Variants in TTC21A observed in about 807,000 individuals in gnomAD.
The protein encoded by TTC21A is tetratricopeptide repeat protein 21A.
Under a neutral mutation model 156.4 loss-of-function variants are expected in TTC21A, and 128 were observed. The observed-to-expected ratio is 0.82, with a 90% CI of 0.71 to 0.95. The LOEUF (loss-of-function observed/expected upper bound fraction) is 0.95. Among genes scored for constraint, TTC21A ranks in the 40% least tolerant of loss-of-function variants. TTC21A has a pLI of 0.00. For missense variants in TTC21A, 1,435 were observed against 1,602.3 expected (o/e 0.90, Z 1.78); for synonymous variants, 587 against 617.1 (o/e 0.95, Z 0.72).
Position 39,134,679 on chromosome 3 carries a change from C to A in TTC21A, c.2862+351C>A, listed in dbSNP as rs2038981183. 1.1e-5 allele frequency: 5 copies of A among 475,576 alleles called. No individual in the cohort carries two copies. The highest frequency in any genetic ancestry group is 1.0e-4 in the South Asian group (5 of 47,986). The allele number at this position is 475,576 out of a possible 1,614,324, so 29.5% of individuals were successfully genotyped here. The stretch of plus-strand genomic sequence containing the variant: ...GTCCTGCCTCTCTCTTCCCTATCAT[C>A]CAGACCTCCTCTAGGGCTGGCCCAG... On this transcript the variant is annotated intron_variant, in intron 21 of 28. Transcript: ENST00000683103. The surrounding 1 kb of genome is among the most constrained non-coding windows in gnomAD (Gnocchi z 4.6).
chr3:39,114,847 G>A, intron 6 of TTC21A, 105 bp downstream of exon 6: 1 of 1,375,614 alleles, frequency 7.3e-7, no homozygotes, highest in Non-Finnish European at 1.0e-6. Flanking sequence ...ATCGCCCATA[G>A]AGGAACTGGG....
Position 39,110,915 on chromosome 3 carries a change from T to C in TTC21A, c.333T>C (p.Thr111=), listed in dbSNP as rs764736603. The change falls in exon 4 of 29, where the codon ACT becomes ACC. Residue 111 remains threonine (T), a synonymous_variant. Coordinates refer to ENST00000683103, the MANE Select transcript of TTC21A (RefSeq NM_001366900.1). ...LKEIRKTVSG[T]ALYYAGLFLW... is the part of the protein sequence containing the mutation. ...AAATACGCAAGACAGTCAGTGGGACTGCACTGTACTATGCTGGCCTTTTCC... is the reference window on the plus strand; with the variant it reads ...AAATACGCAAGACAGTCAGTGGGACCGCACTGTACTATGCTGGCCTTTTCC... 6.2e-7 allele frequency: 1 copy of C among 1,614,062 alleles called. No homozygotes were observed. Among genetic ancestry groups the C allele is most frequent in the Non-Finnish European group, 8.5e-7 (1 of 1,180,010 alleles).
In TTC21A at chr3:39,107,720, T is replaced by C; in HGVS notation, c.-118T>C. On this transcript the variant is annotated 5_prime_UTR_variant, in exon 1 of 29. Coordinates refer to ENST00000683103, the MANE Select transcript of TTC21A (RefSeq NM_001366900.1). ...CTAGCAACCGGCTAGCAGCTCGGTT[T>C]CCAAGGACTGTAACGCCTTCAACCG... 4 of 1,477,490 alleles carry C rather than the reference T, an allele frequency of 2.7e-6. No homozygotes were observed. Among genetic ancestry groups the C allele is most frequent in the South Asian group, 1.1e-5 (1 of 87,766 alleles). The allele number at this position is 1,477,490 out of a possible 1,614,324, so 91.5% of individuals were successfully genotyped here.
intron 20 of TTC21A, among the ~76,000 whole-genome samples, chr3:39,133,648 A>G (rs2038898124): frequency 6.6e-6 from 1 of 152,214 alleles, no homozygotes. Context: ...GTGGCTCCAG[A>G]TAAGGGAACC....
intron 7 of TTC21A, chr3:39,119,535 C>T (rs1198691525): frequency 1.3e-5 from 2 of 156,838 alleles, no homozygotes; most frequent in African/African-American, 4.9e-5. Context: ...GGGCTAGCTC[C>T]TGGCTCTGCC....
At chr3:39,111,471 A>C (rs1176485399) in intron 4 of TTC21A, among the ~76,000 whole-genome samples, 2 of 152,172 alleles carry the variant, frequency 1.3e-5, no homozygotes, top group African/African-American at 4.8e-5. Flanking sequence ...TGAGCTGGCC[A>C]CACTGGGCCA....
intron 8 of TTC21A, among the ~76,000 whole-genome samples, chr3:39,120,524 A>C (rs2037683321): frequency 1.3e-5 from 2 of 152,206 alleles, no homozygotes; most frequent in Admixed American, 1.3e-4. Context: ...ATTTACTAGA[A>C]GTAGTTGCTG....
intron 26 of TTC21A, 95 bp downstream of exon 26, chr3:39,137,805 T>A: frequency 7.5e-7 from 1 of 1,336,008 alleles, no homozygotes; most frequent in Non-Finnish European, 1.0e-6. Context: ...AGAGGCCATA[T>A]GGAATAAGAA....
In TTC21A at chr3:39,134,581, G is replaced by A. The variant is rs1331642580; in HGVS notation, c.2862+253G>A. On this transcript the variant is annotated intron_variant, in intron 21 of 28. Coordinates refer to ENST00000683103, the MANE Select transcript of TTC21A (RefSeq NM_001366900.1). The surrounding 1 kb of genome is among the most constrained non-coding windows in gnomAD (Gnocchi z 4.6). ...GTGGGGTGAGGTTGATTCACCCCAG[G>A]GGAAAGCACATTCACTGTAGGTGAA... is the stretch of plus-strand genomic sequence containing the variant. 1.0e-5 allele frequency: 6 copies of A among 585,204 alleles called. No homozygotes were observed. The highest frequency in any genetic ancestry group is 1.9e-5 in the Non-Finnish European group (6 of 320,960). 36.3% of individuals were successfully genotyped at this position (585,204 alleles called of 1,614,324 possible). A position where few individuals can be genotyped will look rare whatever the true frequency, so the allele number is the denominator to read the frequency against.
chr3:39,120,476 A>G (rs2037679129), intron 8 of TTC21A, among the ~76,000 whole-genome samples: 1 of 152,160 alleles, frequency 6.6e-6, no homozygotes, highest in South Asian at 2.1e-4. Flanking sequence ...TTGCCAACAA[A>G]TCTGTATCTC....
In TTC21A at chr3:39,138,840, G is replaced by A; in HGVS notation, c.*52G>A. On this transcript the variant is annotated 3_prime_UTR_variant, in exon 29 of 29. Coordinates refer to ENST00000683103, the MANE Select transcript of TTC21A (RefSeq NM_001366900.1). ...GAAGCCATCAACCTACTGAAGTTGT[G>A]TGGAGGGATGGAAAGTGGGTCAGTG... 1 of 1,500,804 alleles carries A rather than the reference G, an allele frequency of 6.7e-7. No homozygotes were observed. Among genetic ancestry groups the A allele is most frequent in the Non-Finnish European group, 9.2e-7 (1 of 1,084,352 alleles). The allele number at this position is 1,500,804 out of a possible 1,614,324, so 93.0% of individuals were successfully genotyped here.
At position 39,130,030 on chromosome 3, in the gene TTC21A, T is replaced by G; in HGVS notation, c.2136-49T>G. ...AGTGAAGGAGATGATTTCAGGAACA[T>G]GAGGTGTGTGCGAACCTGGGATAAG... is the stretch of plus-strand genomic sequence containing the variant. On this transcript the variant is annotated intron_variant, in intron 15 of 28. Coordinates refer to ENST00000683103, the MANE Select transcript of TTC21A (RefSeq NM_001366900.1). This position sits in a 1 kb window ranked among gnomAD's most constrained non-coding sequence, Gnocchi z 4.5. 1.9e-4 allele frequency: 296 copies of G among 1,566,420 alleles called. No individual in the cohort carries two copies. The highest frequency in any genetic ancestry group is 2.4e-4 in the Non-Finnish European group (272 of 1,139,200).
At position 39,134,464 on chromosome 3, in the gene TTC21A, A is replaced by AG. The variant is rs746016050; in HGVS notation, c.2862+137dup. Reference sequence around the variant, plus strand: ...ACACCTCTGAGGAGCTGTCGGGCAGAGAGGACTCAGTGCTGCACCTACTCT... The same window carrying AG: ...ACACCTCTGAGGAGCTGTCGGGCAGAGGAGGACTCAGTGCTGCACCTACTCT... On this transcript the variant is annotated intron_variant, in intron 21 of 28. Coordinates refer to ENST00000683103, the MANE Select transcript of TTC21A (RefSeq NM_001366900.1). The surrounding 1 kb of genome is among the most constrained non-coding windows in gnomAD (Gnocchi z 4.6). 4.8e-5 allele frequency: 36 copies of AG among 743,826 alleles called. No individual in the cohort carries two copies. The highest frequency in any genetic ancestry group is 7.3e-5 in the Non-Finnish European group (30 of 408,432). 46.1% of individuals were successfully genotyped at this position (743,826 alleles called of 1,614,324 possible). A position where few individuals can be genotyped will look rare whatever the true frequency, so the allele number is the denominator to read the frequency against.
rs201991576 is a variant in TTC21A, at chr3:39,138,696, C to G, written c.3865-15C>G. The G allele has an allele frequency of 1.2e-6, 2 of 1,613,860 alleles. No individual in the cohort carries two copies. The highest frequency in any genetic ancestry group is 1.7e-5 in the Admixed American group (1 of 60,012). ...ACCTGCATGATACTGCACACCCATT[C>G]TCTCTCTGTTCCAGGTCCTCAGGGA... is the stretch of plus-strand genomic sequence containing the variant. On this transcript the variant is annotated splice_polypyrimidine_tract_variant and intron_variant, in intron 28 of 28. Coordinates refer to ENST00000683103, the MANE Select transcript of TTC21A (RefSeq NM_001366900.1).
intron 7 of TTC21A, chr3:39,118,610 T>A (rs1314517010): frequency 5.9e-6 from 1 of 168,872 alleles, no homozygotes; most frequent in Admixed American, 5.6e-5. Flanking sequence ...TAGGGGATAG[T>A]TGGAACTGCT....
chr3:39,125,557 G>T (rs2038155238), intron 11 of TTC21A, 25 bp downstream of exon 11: 2 of 1,546,032 alleles, frequency 1.3e-6, no homozygotes, highest in Non-Finnish European at 1.8e-6. Context: ...TGTCTTCATG[G>T]TGGGGGTCTG....
intron 7 of TTC21A, 57 bp from the exon 8 acceptor site, chr3:39,119,865 C>A: frequency 8.0e-7 from 1 of 1,242,296 alleles, no homozygotes; most frequent in Non-Finnish European, 1.2e-6. Flanking sequence ...TTGAGAACCA[C>A]GGCGCAACTC....
At position 39,119,882 on chromosome 3, in the gene TTC21A, T is replaced by C. The variant is rs777588167; in HGVS notation, c.802-40T>C. The C allele has an allele frequency of 2.2e-5, 32 of 1,432,702 alleles. No homozygotes were observed. The South Asian group carries it at 3.7e-4, about 17-fold the overall frequency. 88.7% of individuals were successfully genotyped at this position (1,432,702 alleles called of 1,614,324 possible). A position where few individuals can be genotyped will look rare whatever the true frequency, so the allele number is the denominator to read the frequency against. ...GAGAACCACGGCGCAACTCTGACCTTGCACCTTGCATGTTGACATTCTCTG... is the reference window on the plus strand; with the variant it reads ...GAGAACCACGGCGCAACTCTGACCTCGCACCTTGCATGTTGACATTCTCTG... On this transcript the variant is annotated intron_variant, in intron 7 of 28. Coordinates refer to ENST00000683103, the MANE Select transcript of TTC21A (RefSeq NM_001366900.1).
At position 39,110,082 on chromosome 3, in the gene TTC21A, G is replaced by A. The variant is rs767418395; in HGVS notation, c.211G>A (p.Val71Met). ...GGAAAGCATCAGGCATCACCCAGAC[G>A]TGTCCCTGTGCTCCACCATGGCCCT... ...DLESIRHHPD[V>M]SLCSTMALIY... The change falls in exon 3 of 29, where the codon GTG (valine) becomes ATG (methionine). Residue 71 changes from valine to methionine, a missense_variant. Transcript: ENST00000683103. 30 of 1,614,038 alleles carry A rather than the reference G, an allele frequency of 1.9e-5. 1 individual carries two copies. In the South Asian group the frequency reaches 1.9e-4, roughly 10 times the overall value.
Sources: allele counts gnomAD v4.1 joint callset (sites outside exome capture counted in the v4.1 genomes callset), GRCh38; gene constraint gnomAD v4.1.1; non-coding constraint Gnocchi (gnomAD v3.1); transcripts MANE v1.5; gene names NCBI Gene and HGNC (gene_info 2026-07-23, HGNC 2026-07-21).